PCDH15: variants seen among roughly 807,000 people sequenced by gnomAD.
PCDH15 encodes the protein protocadherin related 15, also known as protocadherin-15.
PCDH15 carries 129 observed loss-of-function variants against 178.5 expected under a neutral mutation model. That is an observed-to-expected ratio of 0.72 (90% CI 0.63 to 0.84). PCDH15 has a LOEUF of 0.84. PCDH15 is among the 40% of genes least tolerant of loss of function. The pLI is 0.00. For synonymous variants in PCDH15, 800 were observed against 732.0 expected, an observed-to-expected ratio of 1.09 and a Z score of -1.50; for missense variants, 2,230 against 2,099.9, an observed-to-expected ratio of 1.06 and a Z score of -1.21.
intron 1 of PCDH15, among the ~76,000 whole-genome samples, chr10:54,760,225 A>G (rs1243311045): frequency 6.6e-6 from 1 of 151,906 alleles, no homozygotes; most frequent in African/African-American, 2.4e-5. Flanking sequence ...GTTTTCCCAG[A>G]ATATACTTTA....
chr10:55,027,449 T>G (rs1840502306), intron 2 of PCDH15, among the ~76,000 whole-genome samples: 1 of 151,836 alleles, frequency 6.6e-6, no homozygotes, highest in Non-Finnish European at 1.5e-5. Flanking sequence ...GGAGTTCCTG[T>G]TGAATGATTT....
At chr10:53,988,497 T>C (rs542074163) in intron 21 of PCDH15, among the ~76,000 whole-genome samples, 2 of 152,252 alleles carry the variant, frequency 1.3e-5, no homozygotes, top group South Asian at 2.1e-4. Flanking sequence ...CTGTGTTTGA[T>C]TGTAGGGCTA....
intron 3 of PCDH15, among the ~76,000 whole-genome samples, chr10:54,397,959 T>A (rs2135430093): frequency 6.6e-6 from 1 of 152,100 alleles, no homozygotes; most frequent in African/African-American, 2.4e-5. Flanking sequence ...GAGATAGATT[T>A]TAGTAAATCA....
chr10:54,742,003 A>T (rs1222083933), intron 1 of PCDH15, among the ~76,000 whole-genome samples: 1 of 152,082 alleles, frequency 6.6e-6, no homozygotes. Context: ...TCTGCCTACT[A>T]CAAATGGTGA....
At chr10:55,043,473 C>T (rs1387661230) in intron 2 of PCDH15, among the ~76,000 whole-genome samples, 3 of 151,864 alleles carry the variant, frequency 2.0e-5, no homozygotes, top group Admixed American at 1.3e-4. Flanking sequence ...CTTTGGAGGA[C>T]CCAGGCAGGA....
At chr10:55,152,348 CA>C (rs61001225) in intron 2 of PCDH15, among the ~76,000 whole-genome samples, 70,210 of 139,784 alleles carry the variant, frequency 0.5, 16,705 homozygotes, top group Admixed American at 0.6. Context: ...GGCAAATTAC[CA>C]AAAAAAAATC....
chr10:53,813,387 C>A (rs2075948078), intron 35 of PCDH15, among the ~76,000 whole-genome samples: 1 of 152,062 alleles, frequency 6.6e-6, no homozygotes, highest in African/African-American at 2.4e-5. Context: ...TAAAGGAATC[C>A]AATTTTGATG....
intron 28 of PCDH15, among the ~76,000 whole-genome samples, chr10:53,843,500 A>T (rs925364343): frequency 6.6e-6 from 1 of 152,062 alleles, no homozygotes; most frequent in African/African-American, 2.4e-5. Flanking sequence ...ATCAAGAAAG[A>T]TGTCCATAAT....
intron 2 of PCDH15, among the ~76,000 whole-genome samples, chr10:54,948,731 C>G (rs1838254505): frequency 6.6e-6 from 1 of 151,880 alleles, no homozygotes; most frequent in South Asian, 2.1e-4. Flanking sequence ...TCCCTTATAA[C>G]AACTTTAAAA....
chr10:54,597,736 G>T (rs1450003662), intron 2 of PCDH15, among the ~76,000 whole-genome samples: 1 of 151,720 alleles, frequency 6.6e-6, no homozygotes, highest in East Asian at 1.9e-4. Flanking sequence ...ATAGACCACT[G>T]GTTAAACTAA....
At chr10:53,889,808 T>A (rs1433043586) in intron 26 of PCDH15, among the ~76,000 whole-genome samples, 1 of 152,112 alleles carries the variant, frequency 6.6e-6, no homozygotes, top group Non-Finnish European at 1.5e-5. Context: ...TGAAAATGAA[T>A]CAATTATTAC....
chr10:55,442,099 C>A lies in PCDH15; in HGVS notation c.-156+185526G>T, dbSNP rs532791544. Among the ~76,000 whole-genome samples the A allele has an allele frequency of 1.3e-4, 20 of 152,110 alleles. No individual in the cohort carries two copies. In the East Asian group the frequency reaches 3.9e-3, roughly 29 times the overall value. On this transcript the variant is annotated intron_variant, in intron 2 of 5. Transcript: ENST00000613346. ...AAAATCTGTGAGAACTAGTAAGTAACTATTAAATTACCAAGTTTGTAGTCA... is the reference window on the plus strand; with the variant it reads ...AAAATCTGTGAGAACTAGTAAGTAAATATTAAATTACCAAGTTTGTAGTCA...
At chr10:54,114,248 A>G (rs1054483427) in intron 15 of PCDH15, among the ~76,000 whole-genome samples, 6 of 152,172 alleles carry the variant, frequency 3.9e-5, no homozygotes, top group African/African-American at 1.4e-4. Flanking sequence ...GCCATTTCCT[A>G]GATGTCATCT....
chr10:55,453,323 T>C (rs1839476314), intron 2 of PCDH15, among the ~76,000 whole-genome samples: 1 of 152,198 alleles, frequency 6.6e-6, no homozygotes, highest in African/African-American at 2.4e-5. Flanking sequence ...GACAATAAAA[T>C]ATTGTTTTCT....
intron 2 of PCDH15, among the ~76,000 whole-genome samples, chr10:55,464,422 A>C (rs564761373): frequency 6.6e-6 from 1 of 152,202 alleles, no homozygotes; most frequent in South Asian, 2.1e-4. Flanking sequence ...GAAAGAAAAA[A>C]AAGAAGATAG....
At chr10:54,258,110 C>A (rs2057054202) in intron 8 of PCDH15, among the ~76,000 whole-genome samples, 1 of 152,030 alleles carries the variant, frequency 6.6e-6, no homozygotes, top group African/African-American at 2.4e-5. Flanking sequence ...TTGATTTTTA[C>A]CCAATATTTC....
intron 3 of PCDH15, among the ~76,000 whole-genome samples, chr10:54,485,236 T>A (rs1370710541): frequency 6.6e-6 from 1 of 151,880 alleles, no homozygotes; most frequent in African/African-American, 2.4e-5. Flanking sequence ...AATCTCCGAC[T>A]TTCTATATAC....
chr10:55,522,471 T>C (rs779148890), intron 2 of PCDH15, among the ~76,000 whole-genome samples: 1 of 151,842 alleles, frequency 6.6e-6, no homozygotes, highest in African/African-American at 2.4e-5. Context: ...GTTATGTTAA[T>C]ATTTGCTTTA....
intron 11 of PCDH15, among the ~76,000 whole-genome samples, chr10:54,192,678 C>T (rs1318836368): frequency 1.3e-5 from 2 of 152,006 alleles, no homozygotes; most frequent in African/African-American, 4.8e-5. Flanking sequence ...AATTTTATTA[C>T]TAGAAGACTA....
Sources: gnomAD v4.1 joint callset for allele counts (sites outside exome capture counted in the v4.1 genomes callset) on GRCh38, gnomAD v4.1.1 for gene constraint, MANE v1.5 for transcripts, NCBI Gene and HGNC (gene_info 2026-07-23, HGNC 2026-07-21) for gene names.